The following TCF4 variants were observed in gnomAD, a reference collection of about 807,000 sequenced individuals.
TCF4 encodes SL3-3 enhancer factor 2.
A neutral mutation model predicts 82.1 loss-of-function variants in TCF4; 3 were observed. The ratio of observed to expected loss-of-function variants is 0.04; its 90% CI spans 0.02 to 0.09. The LOEUF (loss-of-function observed/expected upper bound fraction) is 0.09, where lower values mean the gene tolerates loss of function less well. TCF4 is among the 10% of genes least tolerant of loss of function. TCF4 has a pLI of 1.00. For missense variants in TCF4, 518 were observed against 852.7 expected, an observed-to-expected ratio of 0.61 and a Z score of 4.89; for synonymous variants, 276 against 309.6, an observed-to-expected ratio of 0.89 and a Z score of 1.14.
At position 55,237,383 on chromosome 18, in the gene TCF4, C is replaced by T. The variant is rs144077713; in HGVS notation, c.1351-2700G>A. On this transcript the variant is annotated intron_variant, in intron 15 of 19. Transcript: ENST00000354452. ...GTTTGGATTTTAGGCCCATATGTTA[C>T]CTAACTCCATCTATTTTCTATAGAT... Among the ~76,000 whole-genome samples the T allele has an allele frequency of 3.6e-3, 549 of 151,928 alleles. 4 individuals carry two copies. The highest frequency in any genetic ancestry group is 0.013 in the African/African-American group (530 of 41,442).
At chr18:55,498,853 T>A (rs1213703805) in intron 3 of TCF4, among the ~76,000 whole-genome samples, 1 of 152,184 alleles carries the variant, frequency 6.6e-6, no homozygotes, top group African/African-American at 2.4e-5. Context: ...GTAATGAGAA[T>A]GTGATGTAAT....
intron 3 of TCF4, among the ~76,000 whole-genome samples, chr18:55,500,662 A>G (rs1455911891): frequency 2.0e-5 from 3 of 152,216 alleles, no homozygotes; most frequent in Non-Finnish European, 2.9e-5. Flanking sequence ...CCCTCAAGAG[A>G]GTGGGCAACA....
At chr18:55,448,260 T>C (rs1038202099) in intron 5 of TCF4, among the ~76,000 whole-genome samples, 2 of 152,248 alleles carry the variant, frequency 1.3e-5, no homozygotes, top group African/African-American at 4.8e-5. Context: ...TTTATTTTTC[T>C]ACAGGCGGGA....
At chr18:55,506,872 T>G (rs1246663331) in intron 3 of TCF4, among the ~76,000 whole-genome samples, 1 of 151,624 alleles carries the variant, frequency 6.6e-6, no homozygotes, top group Non-Finnish European at 1.5e-5. Flanking sequence ...TTTTTCTTTT[T>G]TTTTTTTTGA....
chr18:55,292,610 T>A (rs1174204282), intron 8 of TCF4, among the ~76,000 whole-genome samples: 1 of 152,132 alleles, frequency 6.6e-6, no homozygotes, highest in Non-Finnish European at 1.5e-5. Flanking sequence ...GGAGAAACAT[T>A]CATTAAAGTA....
intron 3 of TCF4, among the ~76,000 whole-genome samples, chr18:55,543,309 T>C (rs1031030561): frequency 6.6e-6 from 1 of 151,990 alleles, no homozygotes; most frequent in South Asian, 2.1e-4. Context: ...ATCTACAAGG[T>C]TGGGGAGGAT....
intron 8 of TCF4, among the ~76,000 whole-genome samples, chr18:55,297,503 A>ATTCCCTC (rs2066891033): frequency 6.6e-6 from 1 of 152,136 alleles, no homozygotes; most frequent in East Asian, 1.9e-4. Flanking sequence ...TGCATTCTGT[A>ATTCCCTC]ACGTGCTGTC....
chr18:55,429,764 C>CAAAAAAA lies in TCF4; in HGVS notation c.305-26253_305-26247dup, dbSNP rs35255242. Among the ~76,000 whole-genome samples the CAAAAAAA allele has an allele frequency of 3.6e-3, 207 of 57,148 alleles. 27 individuals are homozygous for CAAAAAAA. Among genetic ancestry groups the CAAAAAAA allele is most frequent in the South Asian group, 7.7e-3 (6 of 782 alleles). 37.5% of individuals were successfully genotyped at this position (57,148 alleles called of 152,430 possible). ...TGGGGGACAGAGCAAGACTCCATCT[C>CAAAAAAA]AAAAAAAAAAAAAAAAAAAAAAAAA... On this transcript the variant is annotated intron_variant, in intron 5 of 19. Coordinates refer to ENST00000354452, the MANE Select transcript of TCF4 (RefSeq NM_001083962.2).
At chr18:55,585,479 AT>A in intron 2 of TCF4, 127 bp from the exon 3 acceptor site, 1 of 864,116 alleles carries the variant, frequency 1.2e-6, no homozygotes, top group African/African-American at 1.7e-5. Context: ...AGTAAAATAC[AT>A]CACCATCCAA....
intron 8 of TCF4, among the ~76,000 whole-genome samples, chr18:55,341,970 T>C (rs1603232714): frequency 6.6e-6 from 1 of 152,212 alleles, no homozygotes; most frequent in African/African-American, 2.4e-5. Context: ...AGCTCCACGA[T>C]TTAAATAAGA....
intron 5 of TCF4, among the ~76,000 whole-genome samples, chr18:55,414,339 G>T (rs1345022528): frequency 2.0e-5 from 3 of 151,136 alleles, no homozygotes; most frequent in East Asian, 1.9e-4. Flanking sequence ...AAAAAAAAAC[G>T]TAGATGACAT....
At chr18:55,344,375 A>G (rs1171188006) in intron 8 of TCF4, among the ~76,000 whole-genome samples, 1 of 152,186 alleles carries the variant, frequency 6.6e-6, no homozygotes, top group Non-Finnish European at 1.5e-5. Flanking sequence ...GATGCCATAG[A>G]AAAAGGTTTT....
At chr18:55,300,097 T>TAC (rs1487470416) in intron 8 of TCF4, among the ~76,000 whole-genome samples, 35 of 145,490 alleles carry the variant, frequency 2.4e-4, no homozygotes, top group Non-Finnish European at 4.4e-4. Context: ...CACATACAGA[T>TAC]ATACACACAC....
chr18:55,349,465 A>C (rs984183426), intron 8 of TCF4, among the ~76,000 whole-genome samples: 1 of 152,182 alleles, frequency 6.6e-6, no homozygotes, highest in Non-Finnish European at 1.5e-5. Flanking sequence ...ATTAAAGTAT[A>C]AAAACAATAA....
intron 2 of TCF4, among the ~76,000 whole-genome samples, chr18:55,612,960 T>C (rs759058821): frequency 6.6e-6 from 1 of 151,890 alleles, no homozygotes; most frequent in Admixed American, 6.6e-5. Context: ...AAAATATATA[T>C]ATATTGTTTA....
chr18:55,330,570 A>G (rs1021091553), intron 8 of TCF4, among the ~76,000 whole-genome samples: 2 of 148,054 alleles, frequency 1.4e-5, no homozygotes, highest in Admixed American at 1.3e-4. Context: ...TGTCCACTAC[A>G]TTTTCTTTTT....
intron 15 of TCF4, among the ~76,000 whole-genome samples, chr18:55,245,113 C>A (rs1423316725): frequency 6.6e-6 from 1 of 152,082 alleles, no homozygotes; most frequent in Non-Finnish European, 1.5e-5. Context: ...TAGGTAGAAC[C>A]CTCGCATTAC....
chr18:55,446,838 T>C (rs557249276), intron 5 of TCF4, among the ~76,000 whole-genome samples: 2 of 151,512 alleles, frequency 1.3e-5, no homozygotes, highest in Non-Finnish European at 2.9e-5. Flanking sequence ...CACAAAAAAT[T>C]AGCTGGGCGT....
chr18:55,398,372 A>T (rs2093619617), intron 6 of TCF4, among the ~76,000 whole-genome samples: 1 of 152,146 alleles, frequency 6.6e-6, no homozygotes, highest in African/African-American at 2.4e-5. Context: ...ACACTGCTAC[A>T]TTTCAATGTT....
Sources: allele counts gnomAD v4.1 joint callset (sites outside exome capture counted in the v4.1 genomes callset), GRCh38; gene constraint gnomAD v4.1.1; transcripts MANE v1.5; gene names NCBI Gene and HGNC (gene_info 2026-07-23, HGNC 2026-07-21).